Variants in LRRC63 observed in about 807,000 individuals in gnomAD.
LRRC63 encodes the protein leucine-rich repeat-containing protein 63.
In LRRC63, 40 loss-of-function variants were observed where a neutral mutation model predicts 49.5. The ratio of observed to expected loss-of-function variants is 0.81; its 90% CI spans 0.63 to 1.05. The LOEUF (loss-of-function observed/expected upper bound fraction) is 1.05. LRRC63 is among the 50% of genes least tolerant of loss of function. The probability of loss-of-function intolerance (pLI) is 0.00; values close to 1 mark genes in which losing one functional copy is unlikely to be tolerated. For synonymous variants in LRRC63, 191 were observed against 221.1 expected, an observed-to-expected ratio of 0.86 and a Z score of 1.21; for missense variants, 636 against 663.1, an observed-to-expected ratio of 0.96 and a Z score of 0.45.
chr13:46,270,570 G>A (rs759737321), intron 9 of LRRC63: 3 of 870,888 alleles, frequency 3.4e-6, no homozygotes, highest in Non-Finnish European at 5.9e-6. Context: ...ACACAAAAAC[G>A]GTATGAAGAA....
At chr13:46,212,646 A>G (rs1245192663) in intron 1 of LRRC63, among the ~76,000 whole-genome samples, 2 of 152,304 alleles carry the variant, frequency 1.3e-5, no homozygotes, top group South Asian at 2.1e-4. Flanking sequence ...GAGAGAGAGA[A>G]AAAAAATGTC....
chr13:46,236,380 A>G (rs1301341634), intron 5 of LRRC63, among the ~76,000 whole-genome samples: 2 of 152,184 alleles, frequency 1.3e-5, no homozygotes, highest in African/African-American at 4.8e-5. Flanking sequence ...ATATAATCTA[A>G]TTGTCAAAAG....
intron 4 of LRRC63, 27 bp downstream of exon 4, chr13:46,228,760 T>C (rs1197190610): frequency 1.4e-6 from 2 of 1,415,240 alleles, no homozygotes; most frequent in Non-Finnish European, 1.9e-6. Context: ...TACAATTCTT[T>C]TAGAAAATGT....
Position 46,212,998 on chromosome 13 carries a change from C to A in LRRC63, c.-33-4C>A. 2.2e-6 allele frequency: 3 copies of A among 1,359,932 alleles called. No homozygotes were observed. The highest frequency in any genetic ancestry group is 2.2e-5 in the Admixed American group (1 of 45,278). 84.2% of individuals were successfully genotyped at this position (1,359,932 alleles called of 1,614,324 possible). On this transcript the variant is annotated splice_polypyrimidine_tract_variant and splice_region_variant and intron_variant, in intron 1 of 9. Transcript: ENST00000595396. ...AAACCTTTTCAATTCTCATTTAAAC[C>A]AAGGATTATGAAAAACAGCACTTAT...
At chr13:46,274,861 A>G (rs2047811174) in intron 9 of LRRC63, among the ~76,000 whole-genome samples, 1 of 152,132 alleles carries the variant, frequency 6.6e-6, no homozygotes, top group South Asian at 2.1e-4. Flanking sequence ...TGAACATTTA[A>G]AATCTTCTAG....
intron 6 of LRRC63, among the ~76,000 whole-genome samples, chr13:46,246,943 A>G (rs1402013452): frequency 6.6e-6 from 1 of 152,172 alleles, no homozygotes; most frequent in East Asian, 1.9e-4. Context: ...TGTGCCAATC[A>G]GAAGCTTTAA....
intron 2 of LRRC63, among the ~76,000 whole-genome samples, chr13:46,220,441 G>T (rs1475399549): frequency 6.6e-6 from 1 of 152,132 alleles, no homozygotes; most frequent in Non-Finnish European, 1.5e-5. Context: ...CTCAGTGATG[G>T]CAGACGCCCC....
chr13:46,267,889 C>G (rs1333896274), intron 9 of LRRC63, among the ~76,000 whole-genome samples: 3 of 152,032 alleles, frequency 2.0e-5, no homozygotes, highest in Non-Finnish European at 2.9e-5. Flanking sequence ...ACTTGAGATT[C>G]CTGAATTGCA....
chr13:46,257,646 A>G (rs1395952904), intron 7 of LRRC63, among the ~76,000 whole-genome samples: 2 of 152,208 alleles, frequency 1.3e-5, no homozygotes, highest in African/African-American at 4.8e-5. Flanking sequence ...AGAAAGGGAC[A>G]CTGGAACAAA....
intron 7 of LRRC63, among the ~76,000 whole-genome samples, chr13:46,252,174 C>A (rs774820115): frequency 6.6e-6 from 1 of 151,870 alleles, no homozygotes; most frequent in Non-Finnish European, 1.5e-5. Context: ...AAAGTTTGTT[C>A]AATGAAAACT....
chr13:46,238,873 C>T (rs932404247), intron 5 of LRRC63, among the ~76,000 whole-genome samples: 1 of 152,182 alleles, frequency 6.6e-6, no homozygotes, highest in Non-Finnish European at 1.5e-5. Flanking sequence ...AATTAAATGA[C>T]ATGCTCCTGA....
intron 2 of LRRC63, among the ~76,000 whole-genome samples, chr13:46,223,475 GTTTTT>G (rs147982198): frequency 7.0e-5 from 9 of 127,868 alleles, no homozygotes; most frequent in African/African-American, 1.6e-4. Context: ...TTGGCTGACA[GTTTTT>G]TTTGTTTTTT....
chr13:46,245,116 G>A (rs902897010), intron 5 of LRRC63, among the ~76,000 whole-genome samples: 1 of 152,092 alleles, frequency 6.6e-6, no homozygotes, highest in African/African-American at 2.4e-5. Flanking sequence ...AGAAAAGTTT[G>A]AAAATGTTTA....
chr13:46,271,717 A>T (rs989134298), intron 9 of LRRC63, among the ~76,000 whole-genome samples: 1 of 133,262 alleles, frequency 7.5e-6, no homozygotes, highest in African/African-American at 2.9e-5. Flanking sequence ...CACATCATTT[A>T]AACTAAAAAA....
At chr13:46,244,691 G>C (rs555101251) in intron 5 of LRRC63, among the ~76,000 whole-genome samples, 3 of 152,154 alleles carry the variant, frequency 2.0e-5, no homozygotes, top group Admixed American at 2.0e-4. Context: ...GATCATAAGA[G>C]CCCAGGAATT....
chr13:46,237,437 C>T (rs1171942496), intron 5 of LRRC63, among the ~76,000 whole-genome samples: 1 of 152,052 alleles, frequency 6.6e-6, no homozygotes, highest in Non-Finnish European at 1.5e-5. Flanking sequence ...ACATGGTGTA[C>T]AAGTTGTTAA....
At chr13:46,214,496 A>G (rs935436563) in intron 2 of LRRC63, among the ~76,000 whole-genome samples, 1 of 152,138 alleles carries the variant, frequency 6.6e-6, no homozygotes, top group Non-Finnish European at 1.5e-5. Flanking sequence ...TTTATCTTCT[A>G]GTACAGAATT....
chr13:46,246,609 AT>A lies in LRRC63; in HGVS notation c.1075del (p.Tyr359ThrfsTer15), dbSNP rs35614561. On this transcript the variant is annotated frameshift_variant, in exon 6 of 10. Transcript: ENST00000595396. LOFTEE classifies it high-confidence loss of function. ...CTTAATTTATCATTTAATGATCTTC[AT>A]TACTTTCCCACAGAAGTGAGTCAAC... is the stretch of plus-strand genomic sequence containing the variant. The A allele has an allele frequency of 6.9e-7, 1 of 1,444,324 alleles. No homozygotes were observed. Among genetic ancestry groups the A allele is most frequent in the Non-Finnish European group, 9.1e-7 (1 of 1,096,906 alleles). The allele number at this position is 1,444,324 out of a possible 1,614,324, so 89.5% of individuals were successfully genotyped here.
At chr13:46,242,317 G>C (rs1285033972) in intron 5 of LRRC63, among the ~76,000 whole-genome samples, 1 of 152,134 alleles carries the variant, frequency 6.6e-6, no homozygotes, top group Non-Finnish European at 1.5e-5. Flanking sequence ...CCTATTGGAA[G>C]GTGGAGGGTG....
Sources: allele counts gnomAD v4.1 joint callset (sites outside exome capture counted in the v4.1 genomes callset), GRCh38; gene constraint gnomAD v4.1.1; transcripts MANE v1.5; gene names NCBI Gene and HGNC (gene_info 2026-07-23, HGNC 2026-07-21).